The following ZKSCAN2 variants were observed in gnomAD, a reference collection of about 807,000 sequenced individuals.
The protein encoded by ZKSCAN2 is zinc finger protein with KRAB and SCAN domains 2.
In ZKSCAN2, 38 loss-of-function variants were observed where a neutral mutation model predicts 90.5. The ratio of observed to expected loss-of-function variants is 0.42; its 90% CI spans 0.32 to 0.55. The LOEUF is 0.55. Among genes scored for constraint, ZKSCAN2 ranks in the 20% least tolerant of loss-of-function variants. The probability of loss-of-function intolerance (pLI) is 0.11; values close to 1 mark genes in which losing one functional copy is unlikely to be tolerated. For missense variants in ZKSCAN2, 1,167 were observed against 1,202.6 expected, an observed-to-expected ratio of 0.97 and a Z score of 0.44; for synonymous variants, 429 against 421.6, an observed-to-expected ratio of 1.02 and a Z score of -0.22.
chr16:25,250,843 G>A (rs1272959916), intron 4 of ZKSCAN2, among the ~76,000 whole-genome samples: 2 of 152,016 alleles, frequency 1.3e-5, no homozygotes, highest in Admixed American at 6.6e-5. Flanking sequence ...TGCAATCTCC[G>A]CCTCCTGGGT....
At chr16:25,244,424 G>T in intron 5 of ZKSCAN2, 148 bp from the exon 6 acceptor site, 1 of 782,210 alleles carries the variant, frequency 1.3e-6, no homozygotes, top group Non-Finnish European at 2.0e-6. Context: ...AGCTTTGCAA[G>T]AAATGAGAAG....
Position 25,240,243 on chromosome 16 carries a change from G to A in ZKSCAN2, c.2477C>T (p.Thr826Ile), listed in dbSNP as rs749636452. 1 of 1,614,142 alleles carries A rather than the reference G, an allele frequency of 6.2e-7. No homozygotes were observed. The highest frequency in any genetic ancestry group is 1.1e-5 in the South Asian group (1 of 91,084). Residue 826 changes from threonine to isoleucine, a missense_variant, in exon 7 of 7, where the codon ACA becomes ATA. By Grantham distance (89) the Thr-to-Ile change is moderately conservative. Coordinates refer to ENST00000328086, the MANE Select transcript of ZKSCAN2 (RefSeq NM_001012981.5). ...TCCGCATCTGTAGGGTTTCTCTCCT[G>A]TGTGGATTCTCTGGTGGGCACCAAA... ...SNFGAHQRIH[T>I]GEKPYRCGEC...
In ZKSCAN2 at chr16:25,237,590, T is replaced by C. The variant is rs1212084610; in HGVS notation, c.*2226A>G. The stretch of plus-strand genomic sequence containing the variant: ...TCATGACTGAGCTCCTGGCCTTCTG[T>C]AACTGCCATGGTGTAAGTGGCCCCA... On this transcript the variant is annotated 3_prime_UTR_variant, in exon 7 of 7. Transcript: ENST00000328086. 1 of 152,244 alleles carries C rather than the reference T, an allele frequency of 6.6e-6. No individual in the cohort carries two copies. Among genetic ancestry groups the C allele is most frequent in the African/African-American group, 2.4e-5 (1 of 41,450 alleles). The allele number at this position is 152,244 out of a possible 1,614,324, so 9.4% of individuals were successfully genotyped here.
chr16:25,257,170 G>A lies in ZKSCAN2; in HGVS notation c.-43C>T. 3 of 1,532,448 alleles carry A rather than the reference G, an allele frequency of 2.0e-6. No individual in the cohort carries two copies. The highest frequency in any genetic ancestry group is 1.4e-5 in the African/African-American group (1 of 72,244). 94.9% of individuals were successfully genotyped at this position (1,532,448 alleles called of 1,614,324 possible). On this transcript the variant is annotated 5_prime_UTR_variant, in exon 1 of 7. Coordinates refer to ENST00000328086, the MANE Select transcript of ZKSCAN2 (RefSeq NM_001012981.5). The stretch of plus-strand genomic sequence containing the variant: ...AACTTCACGTCTAGCTCAAGGTGGG[G>A]ACCCAAAGAAGACTCCAAGCGCTCC...
chr16:25,254,614 T>C (rs2091128724), intron 2 of ZKSCAN2, among the ~76,000 whole-genome samples: 1 of 151,554 alleles, frequency 6.6e-6, no homozygotes, highest in Non-Finnish European at 1.5e-5. Flanking sequence ...GTAGAGAAAA[T>C]GTGTTTGTCT....
At chr16:25,249,701 A>C (rs552068072) in intron 4 of ZKSCAN2, among the ~76,000 whole-genome samples, 1 of 152,352 alleles carries the variant, frequency 6.6e-6, no homozygotes, top group African/African-American at 2.4e-5. Flanking sequence ...AAAAAGACAA[A>C]TGATAACAAG....
rs370783262 is a variant in ZKSCAN2, at chr16:25,244,176, C to T, written c.1590G>A (p.Leu530=). 7 of 1,614,176 alleles carry T rather than the reference C, an allele frequency of 4.3e-6. No individual in the cohort carries two copies. Among genetic ancestry groups the T allele is most frequent in the Non-Finnish European group, 5.9e-6 (7 of 1,180,024 alleles). The change falls in exon 6 of 7, where the codon TTG becomes TTA. Residue 530 remains leucine (L), a synonymous_variant. Transcript: ENST00000328086. The part of the protein sequence containing the change: ...ALQACHRKSK[L]YGAVAEQLRE... ...GAAGCTGTTCAGCTACAGCCCCATA[C>T]AATTTGCTCTTCCGATGACAGGCTT... is the stretch of plus-strand genomic sequence containing the variant.
Position 25,257,385 on chromosome 16 carries a change from T to G in ZKSCAN2, c.-258A>C, listed in dbSNP as rs1016890757. On this transcript the variant is annotated 5_prime_UTR_variant, in exon 1 of 7. Coordinates refer to ENST00000328086, the MANE Select transcript of ZKSCAN2 (RefSeq NM_001012981.5). ...GACCGCGCAATGTGGTTTTCCAGAG[T>G]GCATCCCTCTTAGTGCAAAGTCGGA... 9.1e-6 allele frequency: 11 copies of G among 1,213,934 alleles called. No individual in the cohort carries two copies. The African/African-American group carries it at 1.7e-4, about 19-fold the overall frequency. The allele number at this position is 1,213,934 out of a possible 1,614,324, so 75.2% of individuals were successfully genotyped here.
rs199651270 is a variant in ZKSCAN2 at position 25,239,851 on chromosome 16, T to C, written c.2869A>G (p.Lys957Glu). Residue 957 changes from lysine to glutamate, a missense_variant, in exon 7 of 7, where the codon AAG (lysine) becomes GAG (glutamate). By Grantham distance (56) the Lys-to-Glu change is moderately conservative. Transcript: ENST00000328086. ...TTCCTAAATTCATCAGTCTTTCCCT[T>C]ATGTGGGTTCTCAGGGCAATACAGA... ...PSLYCPENPH[K>E]GKTDEFRKTF The C allele has an allele frequency of 2.1e-5, 33 of 1,604,340 alleles. No individual in the cohort carries two copies. Among genetic ancestry groups the C allele is most frequent in the Non-Finnish European group, 2.5e-6 (3 of 1,177,218 alleles).
At position 25,257,015 on chromosome 16, in the gene ZKSCAN2, G is replaced by T. The variant is rs1299056587; in HGVS notation, c.113C>A (p.Ser38Ter). The T allele has an allele frequency of 6.2e-7, 1 of 1,614,038 alleles. No homozygotes were observed. The highest frequency in any genetic ancestry group is 1.3e-5 in the African/African-American group (1 of 74,912). The change falls in exon 1 of 7, where the codon TCG (serine) becomes TAG (stop). Residue 38 changes from serine (S) to a stop codon, truncating the protein, a stop_gained. Coordinates refer to ENST00000328086, the MANE Select transcript of ZKSCAN2 (RefSeq NM_001012981.5). LOFTEE classifies it high-confidence loss of function. Reference protein sequence around the residue: ...EWASEPILEGSDSSETFRKCF... With the variant: ...EWASEPILEG The stretch of plus-strand genomic sequence containing the variant: ...TTTGCGGAAGGTCTCAGAGCTATCC[G>T]ATCCTTCCAGAATGGGCTCTGATGC...
chr16:25,246,606 G>C (rs1962936532), intron 5 of ZKSCAN2, 101 bp downstream of exon 5: 9 of 1,201,426 alleles, frequency 7.5e-6, no homozygotes, highest in Non-Finnish European at 1.1e-5. Flanking sequence ...GGTGAGGTGT[G>C]TGTGACAGCA....
intron 1 of ZKSCAN2, 95 bp from the exon 2 acceptor site, chr16:25,255,487 T>C: frequency 7.5e-7 from 1 of 1,336,322 alleles, no homozygotes; most frequent in Non-Finnish European, 1.0e-6. Context: ...GACAGAGACA[T>C]GAGAAGGAAT....
At chr16:25,254,851 T>G (rs1422959945) in intron 2 of ZKSCAN2, among the ~76,000 whole-genome samples, 5 of 151,090 alleles carry the variant, frequency 3.3e-5, no homozygotes, top group Admixed American at 2.6e-4. Context: ...TGGAATACAG[T>G]GGTGTGATCA....
intron 4 of ZKSCAN2, among the ~76,000 whole-genome samples, chr16:25,249,253 A>T (rs184834434): frequency 6.6e-6 from 1 of 152,324 alleles, no homozygotes; most frequent in East Asian, 1.9e-4. Context: ...TATAGTGACT[A>T]TAATATGTAG....
intron 2 of ZKSCAN2, among the ~76,000 whole-genome samples, chr16:25,254,689 A>T (rs528577648): frequency 6.6e-6 from 1 of 152,136 alleles, no homozygotes; most frequent in Non-Finnish European, 1.5e-5. Context: ...TCGGCCTCCC[A>T]AAGTGTTGGG....
rs183827067 is a variant in ZKSCAN2 at position 25,256,448 on chromosome 16, A to C, written c.399+281T>G. Among the ~76,000 whole-genome samples, 341 of 152,172 alleles carry C rather than the reference A, an allele frequency of 2.2e-3. 2 individuals are homozygous for C. Among genetic ancestry groups the C allele is most frequent in the Non-Finnish European group, 3.9e-3 (262 of 68,014 alleles). Reference sequence around the variant, plus strand: ...TTGTTCTCTTATATTGTTTTGTTGCAAACATTATGCCAAAGATGACGATAA... The same window carrying C: ...TTGTTCTCTTATATTGTTTTGTTGCCAACATTATGCCAAAGATGACGATAA... On this transcript the variant is annotated intron_variant, in intron 1 of 6. Transcript: ENST00000328086.
At position 25,240,164 on chromosome 16, in the gene ZKSCAN2, C is replaced by A. The variant is rs759128098; in HGVS notation, c.2556G>T (p.Thr852=). The change falls in exon 7 of 7, where the codon ACG becomes ACT. Residue 852 remains threonine, a synonymous_variant. Coordinates refer to ENST00000328086, the MANE Select transcript of ZKSCAN2 (RefSeq NM_001012981.5). ...ACTGATAGGGCTTCTCACCGGTGTG[C>A]GTTCTCTGATGTATAATAAGACTAG... ...QSSSLIIHQR[T]HTGEKPYQCG... is the part of the protein sequence containing the mutation. 5 of 1,613,912 alleles carry A rather than the reference C, an allele frequency of 3.1e-6. No individual in the cohort carries two copies. The East Asian group carries it at 1.1e-4, about 36-fold the overall frequency.
At chr16:25,253,286 A>G (rs939160254) in intron 2 of ZKSCAN2, among the ~76,000 whole-genome samples, 7 of 152,208 alleles carry the variant, frequency 4.6e-5, no homozygotes, top group Admixed American at 3.9e-4. Flanking sequence ...GGAACTGGAG[A>G]GCACACATCT....
rs1481602538 is a variant in ZKSCAN2 at position 25,240,440 on chromosome 16, G to A, written c.2280C>T (p.Ser760=). 1 of 1,613,994 alleles carries A rather than the reference G, an allele frequency of 6.2e-7. No individual in the cohort carries two copies. Among genetic ancestry groups the A allele is most frequent in the Non-Finnish European group, 8.5e-7 (1 of 1,180,026 alleles). The change falls in exon 7 of 7, where the codon AGC becomes AGT. Residue 760 remains serine, a synonymous_variant. Transcript: ENST00000328086. ...LLKYGESFGR[S]TRLMCRMTHH... ...GGGTCATCCGGCACATCAGACGAGT[G>A]CTCCTTCCAAAGCTTTCTCCATATT...
Sources: gnomAD v4.1 joint callset for allele counts (sites outside exome capture counted in the v4.1 genomes callset) on GRCh38, gnomAD v4.1.1 for gene constraint, MANE v1.5 for transcripts, NCBI Gene and HGNC (gene_info 2026-07-23, HGNC 2026-07-21) for gene names.